CBFA2T2: variants seen among roughly 807,000 people sequenced by gnomAD.
CBFA2T2 encodes CBFA2/RUNX1 partner transcriptional co-repressor 2.
CBFA2T2 carries 11 observed loss-of-function variants against 62.2 expected under a neutral mutation model. The observed-to-expected ratio is 0.18, with a 90% CI of 0.11 to 0.29. CBFA2T2 has a LOEUF of 0.29. CBFA2T2 is among the 10% of genes least tolerant of loss of function. The pLI, the probability that CBFA2T2 is intolerant of heterozygous loss-of-function variation, is 1.00. For missense variants in CBFA2T2, 592 were observed against 774.1 expected, an observed-to-expected ratio of 0.76 and a Z score of 2.79; for synonymous variants, 295 against 287.5, an observed-to-expected ratio of 1.03 and a Z score of -0.27.
At chr20:33,510,786 C>A (rs2011497673) in intron 1 of CBFA2T2, among the ~76,000 whole-genome samples, 1 of 152,170 alleles carries the variant, frequency 6.6e-6, no homozygotes, top group Non-Finnish European at 1.5e-5. Flanking sequence ...TCCACATCCT[C>A]TCCAGCATCT....
chr20:33,630,325 C>G (rs1298844256), intron 8 of CBFA2T2, among the ~76,000 whole-genome samples: 1 of 152,196 alleles, frequency 6.6e-6, no homozygotes, highest in Non-Finnish European at 1.5e-5. Context: ...GTCTTTAACT[C>G]TTTACATATA....
intron 9 of CBFA2T2, among the ~76,000 whole-genome samples, chr20:33,637,395 T>C (rs2016667827): frequency 6.6e-6 from 1 of 152,204 alleles, no homozygotes; most frequent in African/African-American, 2.4e-5. Context: ...AAAGACTCTT[T>C]TAAGAGCATC....
intron 1 of CBFA2T2, chr20:33,573,829 G>A (rs1277529861): frequency 5.2e-6 from 1 of 190,496 alleles, no homozygotes; most frequent in Non-Finnish European, 1.1e-5. Context: ...CACCCAGGCT[G>A]GAGTGCAGTG....
At chr20:33,640,974 A>G (rs1413027228) in intron 10 of CBFA2T2, among the ~76,000 whole-genome samples, 1 of 151,982 alleles carries the variant, frequency 6.6e-6, no homozygotes. Flanking sequence ...TGCAACTAAT[A>G]TACCCCTTTG....
intron 6 of CBFA2T2, among the ~76,000 whole-genome samples, chr20:33,626,585 G>A (rs892381702): frequency 2.0e-5 from 3 of 152,210 alleles, no homozygotes; most frequent in Admixed American, 6.5e-5. Context: ...ACTCTTACAC[G>A]TTTTCAGCAT....
chr20:33,502,235 A>G (rs2011297925), intron 1 of CBFA2T2, among the ~76,000 whole-genome samples: 1 of 152,126 alleles, frequency 6.6e-6, no homozygotes, highest in Non-Finnish European at 1.5e-5. Flanking sequence ...TCTTATTTTA[A>G]TACTCTGTTA....
chr20:33,513,365 GT>G (rs778000757), intron 1 of CBFA2T2, among the ~76,000 whole-genome samples: 21 of 143,522 alleles, frequency 1.5e-4, no homozygotes, highest in Non-Finnish European at 2.2e-4. Context: ...TTTTTTTTTG[GT>G]TTTTTTTTTT....
At chr20:33,503,972 C>T (rs904018585) in intron 1 of CBFA2T2, among the ~76,000 whole-genome samples, 1 of 151,498 alleles carries the variant, frequency 6.6e-6, no homozygotes, top group Non-Finnish European at 1.5e-5. Flanking sequence ...AATTTTCATT[C>T]TTCCTGTAAG....
intron 1 of CBFA2T2, among the ~76,000 whole-genome samples, chr20:33,593,866 T>C (rs1202816185): frequency 6.6e-6 from 1 of 152,156 alleles, no homozygotes; most frequent in East Asian, 1.9e-4. Context: ...TCCACACATA[T>C]CCCAAAGGGT....
intron 4 of CBFA2T2, among the ~76,000 whole-genome samples, chr20:33,621,708 G>A (rs2015995324): frequency 6.6e-6 from 1 of 152,174 alleles, no homozygotes; most frequent in Admixed American, 6.5e-5. Flanking sequence ...AAATGTAACA[G>A]CATCATACAG....
At chr20:33,606,677 G>A (rs921079464) in intron 1 of CBFA2T2, among the ~76,000 whole-genome samples, 27 of 151,876 alleles carry the variant, frequency 1.8e-4, no homozygotes, top group African/African-American at 2.4e-5. Flanking sequence ...CCTTCTTTAA[G>A]GACACCATTC....
At chr20:33,617,240 A>G (rs2015744032) in intron 3 of CBFA2T2, among the ~76,000 whole-genome samples, 1 of 152,052 alleles carries the variant, frequency 6.6e-6, no homozygotes, top group Non-Finnish European at 1.5e-5. Context: ...TCTCTGAAAA[A>G]AAAAAATTTT....
Position 33,604,006 on chromosome 20 carries a change from A to G in CBFA2T2, c.35-2950A>G, listed in dbSNP as rs116845810. On this transcript the variant is annotated intron_variant, in intron 1 of 10. Transcript: ENST00000342704. ...GTCACCTTGTAAACCACTTGGATAG[A>G]TCTCACTCCATGAAGGGCATTCATG... 2.0e-4 allele frequency among the ~76,000 whole-genome samples: 30 copies of G among 152,246 alleles called. No homozygotes were observed. The East Asian group carries it at 5.6e-3, about 29-fold the overall frequency.
In CBFA2T2 at chr20:33,624,761, C is replaced by T; in HGVS notation, c.693-3C>T. 6.2e-7 allele frequency: 1 copy of T among 1,613,912 alleles called. No individual in the cohort carries two copies. The highest frequency in any genetic ancestry group is 8.5e-7 in the Non-Finnish European group (1 of 1,179,854). ...CAGATACGCACTTCTGCTTCTTCTA[C>T]AGGAGAGAAGAGAATAGTTTTGATA... On this transcript the variant is annotated splice_region_variant and splice_polypyrimidine_tract_variant and intron_variant, in intron 5 of 10. Coordinates refer to ENST00000342704, the MANE Select transcript of CBFA2T2 (RefSeq NM_001032999.3).
intron 1 of CBFA2T2, among the ~76,000 whole-genome samples, chr20:33,574,549 C>G (rs886314006): frequency 6.6e-6 from 1 of 152,174 alleles, no homozygotes; most frequent in Admixed American, 6.5e-5. Flanking sequence ...GGCTTGAACC[C>G]GGGAGGCAGA....
chr20:33,643,674 T>C (rs2016931078), intron 10 of CBFA2T2, among the ~76,000 whole-genome samples: 1 of 147,922 alleles, frequency 6.8e-6, no homozygotes, highest in African/African-American at 2.5e-5. Context: ...CCTGACACTT[T>C]GGGAGGCTGA....
At position 33,649,105 on chromosome 20, in the gene CBFA2T2, T is replaced by C. The variant is rs373320093; in HGVS notation, c.*4459T>C. On this transcript the variant is annotated 3_prime_UTR_variant, in exon 11 of 11. Coordinates refer to ENST00000342704, the MANE Select transcript of CBFA2T2 (RefSeq NM_001032999.3). ...ACTTCTTGGAGGCTTTCTTCAGAAC[T>C]GAACTAGAAACAAGGTTTCCAGGCT... is the stretch of plus-strand genomic sequence containing the variant. 7.2e-5 allele frequency: 11 copies of C among 152,256 alleles called. No homozygotes were observed. The East Asian group carries it at 1.7e-3, about 24-fold the overall frequency. 9.4% of individuals were successfully genotyped at this position (152,256 alleles called of 1,614,324 possible). A position where few individuals can be genotyped will look rare whatever the true frequency, so the allele number is the denominator to read the frequency against.
intron 1 of CBFA2T2, among the ~76,000 whole-genome samples, chr20:33,579,586 A>G (rs1349100808): frequency 4.7e-4 from 66 of 140,866 alleles, no homozygotes; most frequent in African/African-American, 1.7e-3. Context: ...GGAGTGAGAG[A>G]GGATTGAGGT....
intron 1 of CBFA2T2, among the ~76,000 whole-genome samples, chr20:33,574,528 G>A (rs1182591030): frequency 1.3e-5 from 2 of 152,218 alleles, no homozygotes. Flanking sequence ...GGGTGGCTGA[G>A]GCAGGAGAAT....
Sources: gnomAD v4.1 joint callset for allele counts (sites outside exome capture counted in the v4.1 genomes callset) on GRCh38, gnomAD v4.1.1 for gene constraint, MANE v1.5 for transcripts, NCBI Gene and HGNC (gene_info 2026-07-23, HGNC 2026-07-21) for gene names.